Variants in FBXO4 observed in about 807,000 individuals in gnomAD.
The protein encoded by FBXO4 is F-box protein 4.
Under a neutral mutation model 43.7 loss-of-function variants are expected in FBXO4, and 36 were observed. The ratio of observed to expected loss-of-function variants is 0.82; its 90% confidence interval spans 0.63 to 1.09. The LOEUF is 1.09. Ranked by LOEUF, FBXO4 falls within the 50% of genes least tolerant of loss-of-function variation. FBXO4 has a pLI of 0.00. For missense variants in FBXO4, 435 were observed against 474.1 expected (o/e 0.92, Z 0.77); for synonymous variants, 180 against 165.6 (o/e 1.09, Z -0.67).
At chr5:41,926,695 G>C (rs1024770933) in intron 1 of FBXO4, among the ~76,000 whole-genome samples, 1 of 152,184 alleles carries the variant, frequency 6.6e-6, no homozygotes, top group Non-Finnish European at 1.5e-5. Flanking sequence ...TAACTAACTG[G>C]TATATCCAAA....
At chr5:41,930,839 G>T (rs1751666655) in intron 3 of FBXO4, among the ~76,000 whole-genome samples, 1 of 152,062 alleles carries the variant, frequency 6.6e-6, no homozygotes, top group South Asian at 2.1e-4. Context: ...GGTATTTTTA[G>T]TAGAGACGGG....
the FBXO4 span, among the ~76,000 whole-genome samples, chr5:41,973,646 A>C: frequency 6.6e-6 from 1 of 152,176 alleles, no homozygotes; most frequent in African/African-American, 2.4e-5. Context: ...ATGCCGCTGC[A>C]CTCCAGCCTG....
chr5:42,036,357 T>C, the FBXO4 span, among the ~76,000 whole-genome samples: 1 of 152,076 alleles, frequency 6.6e-6, no homozygotes, highest in African/African-American at 2.4e-5. Flanking sequence ...ATGGCTTACA[T>C]AGGTATCAGC....
the FBXO4 span, chr5:41,951,960 G>T: frequency 3.0e-6 from 1 of 328,540 alleles, no homozygotes; most frequent in Admixed American, 3.1e-5. Context: ...ATTCCTGGAG[G>T]ATATGACACT....
At chr5:42,014,367 T>C in the FBXO4 span, among the ~76,000 whole-genome samples, 2 of 152,142 alleles carry the variant, frequency 1.3e-5, no homozygotes, top group Admixed American at 1.3e-4. Context: ...GAAATGTGAG[T>C]AGACATTAAT....
At chr5:41,965,222 T>C in the FBXO4 span, among the ~76,000 whole-genome samples, 1 of 152,228 alleles carries the variant, frequency 6.6e-6, no homozygotes, top group Non-Finnish European at 1.5e-5. Flanking sequence ...CTGAGGGCTC[T>C]GTTCTGTTCC....
chr5:41,931,624 C>A (rs906957574), intron 3 of FBXO4, among the ~76,000 whole-genome samples: 2 of 152,200 alleles, frequency 1.3e-5, no homozygotes, highest in Non-Finnish European at 2.9e-5. Flanking sequence ...CAGGCACTCT[C>A]TGTATATTTG....
At chr5:41,988,591 T>C in the FBXO4 span, among the ~76,000 whole-genome samples, 4,300 of 152,118 alleles carry the variant, frequency 0.028, 90 homozygotes, top group Middle Eastern at 0.041. Context: ...TCAACTACAG[T>C]TTAGGTTTTC....
the FBXO4 span, among the ~76,000 whole-genome samples, chr5:42,031,247 G>T: frequency 7.9e-5 from 12 of 152,064 alleles, no homozygotes; most frequent in East Asian, 2.1e-3. Flanking sequence ...AGAAAATGTG[G>T]CACATATACA....
At chr5:42,017,230 C>G in the FBXO4 span, among the ~76,000 whole-genome samples, 1 of 151,482 alleles carries the variant, frequency 6.6e-6, no homozygotes, top group African/African-American at 2.4e-5. Flanking sequence ...AAATCTAAAA[C>G]AAATGCAAGA....
chr5:41,967,220 G>T, the FBXO4 span: 1 of 494,536 alleles, frequency 2.0e-6, no homozygotes, highest in Non-Finnish European at 4.1e-6. Context: ...TGGCAATTAT[G>T]GTATTCTTCA....
At chr5:41,975,705 C>A in the FBXO4 span, among the ~76,000 whole-genome samples, 42 of 152,286 alleles carry the variant, frequency 2.8e-4, no homozygotes, top group African/African-American at 9.4e-4. Flanking sequence ...AATTTAACAT[C>A]TTAACCATTG....
At chr5:42,026,862 T>C in the FBXO4 span, among the ~76,000 whole-genome samples, 1 of 151,988 alleles carries the variant, frequency 6.6e-6, no homozygotes, top group Admixed American at 6.6e-5. Context: ...TTGACTTGCA[T>C]ATGTTGAACC....
chr5:42,023,547 G>A, the FBXO4 span, among the ~76,000 whole-genome samples: 1 of 152,012 alleles, frequency 6.6e-6, no homozygotes, highest in Non-Finnish European at 1.5e-5. Context: ...CAGTTGCTGT[G>A]AGAAAGTTAT....
chr5:41,954,343 A>C, the FBXO4 span, among the ~76,000 whole-genome samples: 781 of 152,312 alleles, frequency 5.1e-3, 8 homozygotes, highest in African/African-American at 0.018. Flanking sequence ...TTGTTGTTTA[A>C]TGTAAGTGAT....
chr5:41,999,446 AGT>A, the FBXO4 span, among the ~76,000 whole-genome samples: 5,529 of 107,580 alleles, frequency 0.051, 173 homozygotes, highest in African/African-American at 0.082. Flanking sequence ...TATATATGTG[AGT>A]GTGTGTGTGT....
At chr5:42,030,188 G>A in the FBXO4 span, among the ~76,000 whole-genome samples, 22 of 152,178 alleles carry the variant, frequency 1.4e-4, no homozygotes, top group Admixed American at 3.9e-4. Context: ...GAGGCATCAT[G>A]CTACCTGACT....
the FBXO4 span, among the ~76,000 whole-genome samples, chr5:41,977,994 G>T: frequency 6.6e-6 from 1 of 152,092 alleles, no homozygotes; most frequent in Non-Finnish European, 1.5e-5. Flanking sequence ...CATTTATAAA[G>T]AAAACAGGCT....
At chr5:41,971,837 C>T in the FBXO4 span, among the ~76,000 whole-genome samples, 1 of 152,008 alleles carries the variant, frequency 6.6e-6, no homozygotes, top group African/African-American at 2.4e-5. Flanking sequence ...GTTCTTTACA[C>T]TCTTACTTAT....
Sources: allele counts gnomAD v4.1 joint callset (sites outside exome capture counted in the v4.1 genomes callset), GRCh38; gene constraint gnomAD v4.1.1; transcripts MANE v1.5; gene names NCBI Gene and HGNC (gene_info 2026-07-23, HGNC 2026-07-21).